B3GALT1: variants seen among roughly 807,000 people sequenced by gnomAD.
B3GALT1 encodes beta-1,3-galactosyltransferase 1.
In B3GALT1, 10 loss-of-function variants were observed where a neutral mutation model predicts 23.2. The observed-to-expected ratio is 0.43, with a 90% CI of 0.27 to 0.73. B3GALT1 has a LOEUF of 0.73. Ranked by LOEUF, B3GALT1 falls within the 30% of genes least tolerant of loss-of-function variation. The pLI is 0.21. For synonymous variants in B3GALT1, 156 were observed against 141.5 expected (o/e 1.10, Z -0.73); for missense variants, 299 against 405.4 (o/e 0.74, Z 2.25).
At chr2:167,360,642 G>A (rs1197036147) in intron 1 of B3GALT1, among the ~76,000 whole-genome samples, 3 of 152,014 alleles carry the variant, frequency 2.0e-5, no homozygotes, top group South Asian at 2.1e-4. Context: ...GGGGGTACAC[G>A]TGACAATTTG....
intron 2 of B3GALT1, among the ~76,000 whole-genome samples, chr2:167,497,222 G>A (rs12996381): frequency 0.43 from 65,172 of 151,936 alleles, 15,101 homozygotes; most frequent in East Asian, 0.88. Context: ...AAGTTGAGCA[G>A]AGGAAGGGAA....
chr2:167,605,226 T>C (rs978731634), intron 2 of B3GALT1, among the ~76,000 whole-genome samples: 1 of 152,246 alleles, frequency 6.6e-6, no homozygotes, highest in African/African-American at 2.4e-5. Flanking sequence ...AAATAATTGC[T>C]TCATTTATTG....
intron 3 of B3GALT1, among the ~76,000 whole-genome samples, chr2:167,649,440 C>A (rs1685820766): frequency 6.6e-6 from 1 of 152,058 alleles, no homozygotes; most frequent in Non-Finnish European, 1.5e-5. Context: ...AACCCAGTAT[C>A]CATTAAATAG....
At chr2:167,810,394 A>G (rs986746660) in intron 3 of B3GALT1, among the ~76,000 whole-genome samples, 3 of 150,070 alleles carry the variant, frequency 2.0e-5, no homozygotes, top group Non-Finnish European at 4.4e-5. Flanking sequence ...TGTAGAGTGG[A>G]GCTGTTCCTA....
At position 167,777,594 on chromosome 2, in the gene B3GALT1, C is replaced by T. The variant is rs575088863; in HGVS notation, c.-351-41078C>T. Among the ~76,000 whole-genome samples the T allele has an allele frequency of 3.9e-4, 60 of 152,244 alleles. No homozygotes were observed. In the South Asian group the frequency reaches 4.2e-3, roughly 11 times the overall value. ...AACTCCTGACCTCAGGTGATCCACC[C>T]GCCTCGGCCTCCCAAAGTGCTAGGA... On this transcript the variant is annotated intron_variant, in intron 3 of 4. Coordinates refer to ENST00000392690, the MANE Select transcript of B3GALT1 (RefSeq NM_020981.4).
intron 2 of B3GALT1, among the ~76,000 whole-genome samples, chr2:167,624,961 A>G (rs1047427727): frequency 6.6e-6 from 1 of 151,958 alleles, no homozygotes; most frequent in Non-Finnish European, 1.5e-5. Context: ...ATCAGCCTAA[A>G]GTATTTACTA....
At chr2:167,294,535 T>A (rs1696317880) in intron 1 of B3GALT1, among the ~76,000 whole-genome samples, 2 of 152,254 alleles carry the variant, frequency 1.3e-5, no homozygotes, top group Admixed American at 1.3e-4. Flanking sequence ...CCATCCCTGC[T>A]CAGGACGCAC....
chr2:167,348,041 C>CT (rs1697252050), intron 1 of B3GALT1, among the ~76,000 whole-genome samples: 1 of 152,140 alleles, frequency 6.6e-6, no homozygotes. Context: ...ATTTCTGAAT[C>CT]TTTGTTTCAT....
At chr2:167,393,118 C>T (rs1321963809) in intron 1 of B3GALT1, among the ~76,000 whole-genome samples, 6 of 151,888 alleles carry the variant, frequency 4.0e-5, no homozygotes, top group African/African-American at 1.2e-4. Flanking sequence ...CCTGTAGTCC[C>T]AGCTGCTTGG....
intron 1 of B3GALT1, among the ~76,000 whole-genome samples, chr2:167,343,616 G>A (rs191695322): frequency 6.6e-6 from 1 of 152,172 alleles, no homozygotes; most frequent in East Asian, 1.9e-4. Context: ...CTTAACCTGT[G>A]TAGGCTGATA....
At chr2:167,349,290 C>T (rs1353716348) in intron 1 of B3GALT1, among the ~76,000 whole-genome samples, 15 of 152,150 alleles carry the variant, frequency 9.9e-5, no homozygotes, top group Non-Finnish European at 2.9e-5. Context: ...TTTGTCCAGC[C>T]TATCCACACT....
chr2:167,378,306 A>G (rs1015494723), intron 1 of B3GALT1, among the ~76,000 whole-genome samples: 1 of 151,724 alleles, frequency 6.6e-6, no homozygotes, highest in African/African-American at 2.4e-5. Context: ...TACCTTGGTG[A>G]TGTTCATTTT....
At chr2:167,471,983 A>C (rs185975519) in intron 1 of B3GALT1, among the ~76,000 whole-genome samples, 1 of 152,312 alleles carries the variant, frequency 6.6e-6, no homozygotes, top group East Asian at 1.9e-4. Context: ...ACAAAAGCTC[A>C]CATTTCTTAT....
chr2:167,319,295 C>G (rs1696766327), intron 1 of B3GALT1, among the ~76,000 whole-genome samples: 2 of 152,020 alleles, frequency 1.3e-5, no homozygotes, highest in Admixed American at 6.6e-5. Flanking sequence ...CTAAATGTTC[C>G]CTGCTTTCCT....
intron 1 of B3GALT1, among the ~76,000 whole-genome samples, chr2:167,400,188 GTGTGTC>G (rs1698165715): frequency 6.6e-6 from 1 of 151,542 alleles, no homozygotes; most frequent in Non-Finnish European, 1.5e-5. Flanking sequence ...GTGTGTGTGT[GTGTGTC>G]TGTGTGTGTG....
At chr2:167,376,901 G>GT (rs774924268) in intron 1 of B3GALT1, among the ~76,000 whole-genome samples, 11 of 151,758 alleles carry the variant, frequency 7.2e-5, no homozygotes, top group Non-Finnish European at 1.5e-4. Flanking sequence ...TTAATTTGTT[G>GT]TTTTTTGTAG....
At chr2:167,689,217 C>T (rs1055961545) in intron 3 of B3GALT1, among the ~76,000 whole-genome samples, 2 of 149,002 alleles carry the variant, frequency 1.3e-5, no homozygotes, top group East Asian at 2.0e-4. Context: ...GTTTGAATGA[C>T]AGTGGATCTC....
chr2:167,441,175 C>G (rs139621016), intron 1 of B3GALT1, among the ~76,000 whole-genome samples: 2 of 152,230 alleles, frequency 1.3e-5, no homozygotes, highest in African/African-American at 4.8e-5. Context: ...AGTTCACATT[C>G]AAGGTTCATG....
chr2:167,672,824 A>C lies in B3GALT1; in HGVS notation c.-352+25858A>C, dbSNP rs780303311. Among the ~76,000 whole-genome samples, 13 of 152,234 alleles carry C rather than the reference A, an allele frequency of 8.5e-5. 1 individual carries two copies. Among genetic ancestry groups the C allele is most frequent in the Middle Eastern group, 6.8e-3 (2 of 294 alleles). Reference sequence around the variant, plus strand: ...TACTAACCCTAATTTATAAATATAGATAAGGGACTCAGATTGTCCAATTTG... The same window carrying C: ...TACTAACCCTAATTTATAAATATAGCTAAGGGACTCAGATTGTCCAATTTG... On this transcript the variant is annotated intron_variant, in intron 3 of 4. Transcript: ENST00000392690.
Sources: gnomAD v4.1 joint callset for allele counts (sites outside exome capture counted in the v4.1 genomes callset) on GRCh38, gnomAD v4.1.1 for gene constraint, MANE v1.5 for transcripts, NCBI Gene and HGNC (gene_info 2026-07-23, HGNC 2026-07-21) for gene names.